The following CRELD2 variants were observed in gnomAD, a reference collection of about 807,000 sequenced individuals.
The protein encoded by CRELD2 is protein disulfide isomerase CRELD2.
CRELD2 carries 33 observed loss-of-function variants against 48.1 expected under a neutral mutation model. The observed-to-expected ratio is 0.69, with a 90% CI of 0.52 to 0.92. The LOEUF (loss-of-function observed/expected upper bound fraction) is 0.92, where lower values mean the gene tolerates loss of function less well. CRELD2 is among the 40% of genes least tolerant of loss of function. The pLI is 0.00. For missense variants in CRELD2, 477 were observed against 482.4 expected (o/e 0.99, Z 0.10); for synonymous variants, 220 against 203.9 (o/e 1.08, Z -0.67).
Position 49,925,557 on chromosome 22 carries a change from G to C in CRELD2, c.1009G>C (p.Glu337Gln). 6.2e-7 allele frequency: 1 copy of C among 1,613,420 alleles called. No homozygotes were observed. Among genetic ancestry groups the C allele is most frequent in the Non-Finnish European group, 8.5e-7 (1 of 1,180,000 alleles). Residue 337 changes from glutamate to glutamine, a missense_variant and splice_region_variant, in exon 9 of 10, where the codon GAA (glutamate) becomes CAA (glutamine). Transcript: ENST00000328268. ...TGCCTGTGTGCCGCCGGCAGAGGCT[G>C]GTGAGTGGCACGGCTGCCCTCCACA... is the stretch of plus-strand genomic sequence containing the variant. Reference protein sequence around the residue: ...EDACVPPAEAEATEGESPTQL... With the variant: ...EDACVPPAEAQATEGESPTQL...
rs374883377 is a variant in CRELD2, at chr22:49,925,617, G to A, written c.1009+60G>A. 2.1e-5 allele frequency: 34 copies of A among 1,601,234 alleles called. No individual in the cohort carries two copies. In the South Asian group the frequency reaches 2.2e-4, roughly 10 times the overall value. On this transcript the variant is annotated intron_variant, in intron 9 of 9. Transcript: ENST00000328268. ...CTCCCCTGGGCCGCAGGGCTTGCAC[G>A]TAGACTGGCTGCTTGGTCTGAAATC...
intron 5 of CRELD2, chr22:49,922,331 CTG>C: frequency 6.2e-7 from 1 of 1,611,176 alleles, no homozygotes; most frequent in Non-Finnish European, 8.5e-7. Flanking sequence ...ACCCGCCTTG[CTG>C]TCTGTCTCTT....
At position 49,919,807 on chromosome 22, in the gene CRELD2, AG is replaced by A; in HGVS notation, c.292del (p.Glu98ArgfsTer11). Reference sequence around the variant, plus strand: ...GAATGCAATCAGATGCTAGAGGCGCAGGAGGAGCACCTGGAGGCCTGGTGGC... The same window carrying A: ...GAATGCAATCAGATGCTAGAGGCGCAGAGGAGCACCTGGAGGCCTGGTGGC... ...DFECNQMLEA[Q>X]EEHLEAWWLQ... is the part of the protein sequence containing the mutation. On this transcript the variant is annotated frameshift_variant, in exon 3 of 10. Coordinates refer to ENST00000328268, the MANE Select transcript of CRELD2 (RefSeq NM_024324.5). LOFTEE classifies it high-confidence loss of function. 1 of 1,612,714 alleles carries A rather than the reference AG, an allele frequency of 6.2e-7. No homozygotes were observed. Among genetic ancestry groups the A allele is most frequent in the Non-Finnish European group, 8.5e-7 (1 of 1,179,410 alleles).
At chr22:49,919,408 G>GTGCC in intron 2 of CRELD2, 96 bp downstream of exon 2, 1 of 1,156,528 alleles carries the variant, frequency 8.6e-7, no homozygotes, top group South Asian at 1.3e-5. Context: ...CAGGGAGACA[G>GTGCC]AACAGCCCCC....
At chr22:49,922,463 A>C in intron 5 of CRELD2, 149 bp from the exon 6 acceptor site, 1 of 1,564,080 alleles carries the variant, frequency 6.4e-7, no homozygotes, top group Non-Finnish European at 8.7e-7. Context: ...AATTCCTTGG[A>C]GTCCTGGTTT....
At chr22:49,921,029 G>A (rs953607642) in intron 4 of CRELD2, among the ~76,000 whole-genome samples, 3 of 152,170 alleles carry the variant, frequency 2.0e-5, no homozygotes, top group South Asian at 2.1e-4. Context: ...GTCATTAGGC[G>A]ACTTTGTCAT....
In CRELD2 at chr22:49,918,891, T is replaced by A. The variant is rs2060643199; in HGVS notation, c.122T>A (p.Phe41Tyr). The change falls in exon 1 of 10, where the codon TTT becomes TAT. Residue 41 changes from phenylalanine to tyrosine, a missense_variant. Phe to Tyr is a conservative substitution (Grantham distance 22). Coordinates refer to ENST00000328268, the MANE Select transcript of CRELD2 (RefSeq NM_024324.5). ...CGGTGCCGGGGGCTGGTGGACAAGT[T>A]TAACCAGGTGGGAAGGGGCCGGGCG... is the stretch of plus-strand genomic sequence containing the variant. ...CHRCRGLVDKFNQGMVDTAKK... is the reference protein window; with the variant it reads ...CHRCRGLVDKYNQGMVDTAKK... 1 of 1,313,928 alleles carries A rather than the reference T, an allele frequency of 7.6e-7. No homozygotes were observed. Among genetic ancestry groups the A allele is most frequent in the Non-Finnish European group, 9.7e-7 (1 of 1,033,560 alleles). 81.4% of individuals were successfully genotyped at this position (1,313,928 alleles called of 1,614,324 possible).
Position 49,927,267 on chromosome 22 carries a change from G to A in CRELD2, c.1022G>A (p.Gly341Glu). The change falls in exon 10 of 10, where the codon GGA (glycine) becomes GAA (glutamate). Residue 341 changes from glycine (G) to glutamate (E), a missense_variant. Physicochemically the swap from Gly to Glu is moderately conservative, Grantham distance 98. Transcript: ENST00000328268. ...VPPAEAEATE[G>E]ESPTQLPSRE... ...TGTTTTCTGACAGAAGCCACAGAAG[G>A]AGAAAGCCCGACACAGCTGCCCTCC... 1.2e-6 allele frequency: 2 copies of A among 1,612,434 alleles called. No homozygotes were observed. The highest frequency in any genetic ancestry group is 1.3e-5 in the African/African-American group (1 of 74,966).
At position 49,918,743 on chromosome 22, in the gene CRELD2, CTG is replaced by C; in HGVS notation, c.-26_-25del. 1 of 947,750 alleles carries C rather than the reference CTG, an allele frequency of 1.1e-6. No homozygotes were observed. Among genetic ancestry groups the C allele is most frequent in the Non-Finnish European group, 1.4e-6 (1 of 719,524 alleles). 58.7% of individuals were successfully genotyped at this position (947,750 alleles called of 1,614,324 possible). On this transcript the variant is annotated 5_prime_UTR_variant, in exon 1 of 10. Coordinates refer to ENST00000328268, the MANE Select transcript of CRELD2 (RefSeq NM_024324.5). ...ACGGCCGCAGGACCTGGAGCTCCGG[CTG>C]CGTCTTCCCGCAGCGCTACCCGCCA...
At chr22:49,924,944 A>G (rs1366453371) in intron 8 of CRELD2, 1 of 163,130 alleles carries the variant, frequency 6.1e-6, no homozygotes, top group African/African-American at 2.4e-5. Context: ...ATCCTGGCTA[A>G]CACGGTGAAA....
At chr22:49,920,292 C>T (rs1821230967) in intron 4 of CRELD2, 45 bp downstream of exon 4, 9 of 1,301,242 alleles carry the variant, frequency 6.9e-6, no homozygotes, top group Non-Finnish European at 1.0e-5. Flanking sequence ...GTCACTTCCC[C>T]TCTTCTTCTC....
At chr22:49,921,393 C>T in intron 4 of CRELD2, 192 bp from the exon 5 acceptor site, 2 of 617,244 alleles carry the variant, frequency 3.2e-6, no homozygotes, top group South Asian at 2.1e-5. Context: ...GTGGCTTGCT[C>T]CACTCAGGCG....
intron 5 of CRELD2, chr22:49,922,000 T>C (rs2060693163): frequency 1.7e-6 from 1 of 605,002 alleles, no homozygotes; most frequent in Non-Finnish European, 2.9e-6. Flanking sequence ...TTCTCTCTAG[T>C]TCAAGGTCCA....
At chr22:49,921,846 G>T (rs2060691391) in intron 5 of CRELD2, 85 bp downstream of exon 5, 1 of 1,386,144 alleles carries the variant, frequency 7.2e-7, no homozygotes, top group Non-Finnish European at 9.8e-7. Flanking sequence ...GATGGGAACA[G>T]GGGCCTGTTG....
chr22:49,924,413 G>C lies in CRELD2; in HGVS notation c.826G>C (p.Glu276Gln), dbSNP rs113168785. The C allele has an allele frequency of 0.021, 33,421 of 1,612,488 alleles. 558 individuals are homozygous for C. The highest frequency in any genetic ancestry group is 0.12 in the Middle Eastern group (711 of 6,054). The change falls in exon 8 of 10, where the codon GAG becomes CAG. Residue 276 changes from glutamate to glutamine, a missense_variant. Glu to Gln is a conservative substitution (Grantham distance 29). Coordinates refer to ENST00000328268, the MANE Select transcript of CRELD2 (RefSeq NM_024324.5). ...AGGGGAAGGCCCAGGAAACTGTAAA[G>C]AGTGTATCTCTGGCTACGCGAGGGA... Reference protein sequence around the residue: ...CTGEGPGNCKECISGYAREHG... With the variant: ...CTGEGPGNCKQCISGYAREHG...
chr22:49,921,604 G>A lies in CRELD2; in HGVS notation c.435G>A (p.Gln145=), dbSNP rs764877513. The part of the protein sequence containing the change: ...PDCLACQGGS[Q]RPCSGNGHCS... Reference sequence around the variant, plus strand: ...CTAAAGCATGCCAGGGCGGATCCCAGAGGCCCTGCAGCGGGAATGGCCACT... The same window carrying A: ...CTAAAGCATGCCAGGGCGGATCCCAAAGGCCCTGCAGCGGGAATGGCCACT... Residue 145 remains glutamine (Q), a synonymous_variant, in exon 5 of 10, where the codon CAG becomes CAA. Transcript: ENST00000328268. 1 of 1,612,762 alleles carries A rather than the reference G, an allele frequency of 6.2e-7. No homozygotes were observed. The highest frequency in any genetic ancestry group is 8.5e-7 in the Non-Finnish European group (1 of 1,179,934).
rs761246139 is a variant in CRELD2 at position 49,920,159 on chromosome 22, G to C, written c.327G>C (p.Lys109Asn). Residue 109 changes from lysine to asparagine, a missense_variant, in exon 4 of 10, where the codon AAG (lysine) becomes AAC (asparagine). Transcript: ENST00000328268. ...GAATGTTTTCCTCCATCCTCAGGAA[G>C]AGCGAATATCCTGACTTATTCGAGT... ...EHLEAWWLQLKSEYPDLFEWF... is the reference protein window; with the variant it reads ...EHLEAWWLQLNSEYPDLFEWF... 1 of 1,604,626 alleles carries C rather than the reference G, an allele frequency of 6.2e-7. No homozygotes were observed. Among genetic ancestry groups the C allele is most frequent in the South Asian group, 1.1e-5 (1 of 90,898 alleles).
In CRELD2 at chr22:49,923,303, C is replaced by A. The variant is rs1229249046; in HGVS notation, c.758C>A (p.Ser253Tyr). The change falls in exon 7 of 10, where the codon TCC becomes TAC. Residue 253 changes from serine to tyrosine, a missense_variant. By Grantham distance (144) the Ser-to-Tyr change is moderately radical. Transcript: ENST00000328268. ...AAQFCKNANG[S>Y]YTCEECDSSC... ...CAGTTCTGTAAGAACGCCAACGGCT[C>A]CTACACGTGCGAAGGTGGGCCAGGC... The A allele has an allele frequency of 6.2e-7, 1 of 1,612,060 alleles. No homozygotes were observed. Among genetic ancestry groups the A allele is most frequent in the Non-Finnish European group, 8.5e-7 (1 of 1,179,618 alleles).
In CRELD2 at chr22:49,919,245, G is replaced by A. The variant is rs1187954471; in HGVS notation, c.145G>A (p.Ala49Thr). The A allele has an allele frequency of 7.4e-6, 12 of 1,613,708 alleles. No individual in the cohort carries two copies. Among genetic ancestry groups the A allele is most frequent in the Non-Finnish European group, 9.3e-6 (11 of 1,179,978 alleles). ...DKFNQGMVDT[A>T]KKNFGGGNTA... ...CTCCTCGCAGGGGATGGTGGACACC[G>A]CAAAGAAGAACTTTGGCGGCGGGAA... Residue 49 changes from alanine to threonine, a missense_variant, in exon 2 of 10, where the codon GCA (alanine) becomes ACA (threonine). By Grantham distance (58) the Ala-to-Thr change is moderately conservative. Transcript: ENST00000328268.
Sources: gnomAD v4.1 joint callset for allele counts (sites outside exome capture counted in the v4.1 genomes callset) on GRCh38, gnomAD v4.1.1 for gene constraint, MANE v1.5 for transcripts, NCBI Gene and HGNC (gene_info 2026-07-23, HGNC 2026-07-21) for gene names.